The following PRKCA variants were observed in gnomAD, a reference collection of about 807,000 sequenced individuals.
PRKCA encodes the protein protein kinase C alpha.
Under a neutral mutation model 87.0 loss-of-function variants are expected in PRKCA, and 27 were observed. That is an observed-to-expected ratio of 0.31 (90% CI 0.23 to 0.43). PRKCA has a LOEUF of 0.43. Among genes scored for constraint, PRKCA ranks in the 20% least tolerant of loss-of-function variants. The pLI, the probability that PRKCA is intolerant of heterozygous loss-of-function variation, is 1.00. For missense variants in PRKCA, 518 were observed against 852.3 expected (o/e 0.61, Z 4.88); for synonymous variants, 329 against 311.1 (o/e 1.06, Z -0.61).
In PRKCA at chr17:66,808,645, A is replaced by T. The variant is rs116326339; in HGVS notation, c.*4608A>T. 371 of 152,378 alleles carry T rather than the reference A, an allele frequency of 2.4e-3. No individual in the cohort carries two copies. Among genetic ancestry groups the T allele is most frequent in the African/African-American group, 8.3e-3 (345 of 41,562 alleles). The allele number at this position is 152,378 out of a possible 1,614,324, so 9.4% of individuals were successfully genotyped here. A position where few individuals can be genotyped will look rare whatever the true frequency, so the allele number is the denominator to read the frequency against. Reference sequence around the variant, plus strand: ...GTAGGCATGACAGTCACCAGGAAGGACAAGGGTGCTCTGTTGTTAGTGGCC... The same window carrying T: ...GTAGGCATGACAGTCACCAGGAAGGTCAAGGGTGCTCTGTTGTTAGTGGCC... On this transcript the variant is annotated 3_prime_UTR_variant, in exon 17 of 17. Coordinates refer to ENST00000413366, the MANE Select transcript of PRKCA (RefSeq NM_002737.3).
chr17:66,308,003 A>G (rs1444206683), intron 2 of PRKCA, among the ~76,000 whole-genome samples: 1 of 152,190 alleles, frequency 6.6e-6, no homozygotes, highest in Non-Finnish European at 1.5e-5. Flanking sequence ...ATATTCTTCC[A>G]CATCAAAGCA....
intron 1 of PRKCA, among the ~76,000 whole-genome samples, chr17:66,305,203 T>G (rs1904750452): frequency 6.6e-6 from 1 of 152,226 alleles, no homozygotes; most frequent in African/African-American, 2.4e-5. Context: ...GGGTCCTTGA[T>G]TTACACGTTT....
intron 2 of PRKCA, among the ~76,000 whole-genome samples, chr17:66,450,854 G>A (rs761710858): frequency 2.6e-5 from 4 of 152,182 alleles, no homozygotes; most frequent in Non-Finnish European, 1.5e-5. Context: ...TAACTGATGC[G>A]ATTAGTAAAA....
chr17:66,359,189 G>A (rs1314364356), intron 2 of PRKCA, among the ~76,000 whole-genome samples: 1 of 152,066 alleles, frequency 6.6e-6, no homozygotes, highest in Non-Finnish European at 1.5e-5. Context: ...AGTGAATTTA[G>A]GTGATGTTAA....
At chr17:66,720,856 T>C (rs1046717337) in intron 8 of PRKCA, among the ~76,000 whole-genome samples, 1 of 152,212 alleles carries the variant, frequency 6.6e-6, no homozygotes, top group African/African-American at 2.4e-5. Context: ...TCTCCACACG[T>C]TGCAACTGTC....
intron 14 of PRKCA, chr17:66,777,808 C>T (rs1290746558): frequency 2.7e-5 from 27 of 985,268 alleles, no homozygotes; most frequent in African/African-American, 3.5e-5. Flanking sequence ...CAAGAGGTCA[C>T]GTGAGTAGAC....
At chr17:66,542,779 G>T (rs1968026186) in intron 3 of PRKCA, among the ~76,000 whole-genome samples, 1 of 152,182 alleles carries the variant, frequency 6.6e-6, no homozygotes, top group African/African-American at 2.4e-5. Flanking sequence ...TAATGAGAAA[G>T]TACAGATTAA....
At chr17:66,545,639 C>T (rs962787608) in intron 3 of PRKCA, among the ~76,000 whole-genome samples, 2 of 152,044 alleles carry the variant, frequency 1.3e-5, no homozygotes, top group Admixed American at 6.5e-5. Context: ...GAGGCTCTGT[C>T]AATATCAGTT....
chr17:66,604,522 T>C (rs970341325), intron 3 of PRKCA, among the ~76,000 whole-genome samples: 3 of 152,230 alleles, frequency 2.0e-5, no homozygotes, highest in Admixed American at 1.3e-4. Flanking sequence ...GTCTGGATGC[T>C]GAATAAAGAC....
At chr17:66,579,978 C>T (rs1436389927) in intron 3 of PRKCA, among the ~76,000 whole-genome samples, 1 of 152,152 alleles carries the variant, frequency 6.6e-6, no homozygotes, top group African/African-American at 2.4e-5. Flanking sequence ...GGCTCACTCT[C>T]TTTCTCTGCG....
chr17:66,710,152 T>G (rs1307701095), intron 8 of PRKCA, among the ~76,000 whole-genome samples: 1 of 152,096 alleles, frequency 6.6e-6, no homozygotes, highest in Non-Finnish European at 1.5e-5. Flanking sequence ...CCTTTCACTA[T>G]TCAAACAAGG....
At chr17:66,409,710 A>G (rs1438544109) in intron 2 of PRKCA, among the ~76,000 whole-genome samples, 1 of 152,170 alleles carries the variant, frequency 6.6e-6, no homozygotes, top group Non-Finnish European at 1.5e-5. Flanking sequence ...TGGGCGGATC[A>G]CAAGGTCAGG....
intron 3 of PRKCA, among the ~76,000 whole-genome samples, chr17:66,528,328 C>G (rs1406722410): frequency 6.6e-6 from 1 of 152,052 alleles, no homozygotes; most frequent in Non-Finnish European, 1.5e-5. Flanking sequence ...TGTGCCTTCC[C>G]CCTGAAGATA....
chr17:66,770,283 A>C (rs1974903868), intron 13 of PRKCA, among the ~76,000 whole-genome samples: 1 of 152,242 alleles, frequency 6.6e-6, no homozygotes, highest in African/African-American at 2.4e-5. Flanking sequence ...CATAGGAGGT[A>C]ATATGATAGG....
chr17:66,679,271 C>T (rs957904183), intron 5 of PRKCA, among the ~76,000 whole-genome samples: 1 of 151,570 alleles, frequency 6.6e-6, no homozygotes, highest in Admixed American at 6.6e-5. Context: ...AGCTCTGCCG[C>T]CCGGGTTCAC....
chr17:66,747,818 A>G (rs1253426535), intron 13 of PRKCA, among the ~76,000 whole-genome samples: 1 of 152,180 alleles, frequency 6.6e-6, no homozygotes, highest in Non-Finnish European at 1.5e-5. Context: ...CTTAGAAACC[A>G]AGGGTGATCC....
chr17:66,582,800 A>G lies in PRKCA; in HGVS notation c.289-58555A>G, dbSNP rs1037365811. 5.3e-5 allele frequency among the ~76,000 whole-genome samples: 8 copies of G among 151,890 alleles called. No individual in the cohort carries two copies. The South Asian group carries it at 1.7e-3, about 32-fold the overall frequency. On this transcript the variant is annotated intron_variant, in intron 3 of 16. Coordinates refer to ENST00000413366, the MANE Select transcript of PRKCA (RefSeq NM_002737.3). ...TTAAGTCAGCTCCTCTACCAACTCT[A>G]CCTTGCTGTTTCAGATTGGTAGGCT...
intron 3 of PRKCA, among the ~76,000 whole-genome samples, chr17:66,589,661 T>C (rs1969735358): frequency 6.6e-6 from 1 of 152,166 alleles, no homozygotes; most frequent in Non-Finnish European, 1.5e-5. Context: ...GTGTTTAGCA[T>C]AATGGGGAGG....
At chr17:66,305,138 G>A (rs1904743404) in intron 1 of PRKCA, among the ~76,000 whole-genome samples, 1 of 151,832 alleles carries the variant, frequency 6.6e-6, no homozygotes, top group African/African-American at 2.4e-5. Flanking sequence ...GGAAGTCCCA[G>A]GAAACCATCC....
Sources: gnomAD v4.1 joint callset for allele counts (sites outside exome capture counted in the v4.1 genomes callset) on GRCh38, gnomAD v4.1.1 for gene constraint, MANE v1.5 for transcripts, NCBI Gene and HGNC (gene_info 2026-07-23, HGNC 2026-07-21) for gene names.